The following PHIP variants were observed in gnomAD, a reference collection of about 807,000 sequenced individuals.
PHIP encodes the protein PH-interacting protein.
Under a neutral mutation model 236.8 loss-of-function variants are expected in PHIP, and 54 were observed. The observed-to-expected ratio is 0.23, with a 90% CI of 0.18 to 0.29. PHIP has a LOEUF of 0.29. Among genes scored for constraint, PHIP ranks in the 10% least tolerant of loss-of-function variants. The pLI is 1.00. For missense variants in PHIP, 1,370 were observed against 2,190.8 expected (o/e 0.63, Z 7.48); for synonymous variants, 756 against 718.9 (o/e 1.05, Z -0.83).
chr6:78,983,691 A>G (rs1768687015), intron 22 of PHIP, among the ~76,000 whole-genome samples: 1 of 152,178 alleles, frequency 6.6e-6, no homozygotes, highest in African/African-American at 2.4e-5. Context: ...CTCTGCATGT[A>G]AAGTAACAAA....
rs1352570259 is a variant in PHIP at position 79,077,432 on chromosome 6, G to A, written c.189+16C>T. ...TCAGGGAAAAGTTTCTTTGCTCTGCGACGTGAATGTCTCACCAGATTCTGG... is the reference window on the plus strand; with the variant it reads ...TCAGGGAAAAGTTTCTTTGCTCTGCAACGTGAATGTCTCACCAGATTCTGG... On this transcript the variant is annotated intron_variant, in intron 4 of 39. Coordinates refer to ENST00000275034, the MANE Select transcript of PHIP (RefSeq NM_017934.7). The A allele has an allele frequency of 1.9e-6, 3 of 1,590,836 alleles. No individual in the cohort carries two copies. The highest frequency in any genetic ancestry group is 1.7e-5 in the Admixed American group (1 of 59,468).
At position 79,025,295 on chromosome 6, in the gene PHIP, T is replaced by C. The variant is rs558783815; in HGVS notation, c.923+224A>G. Reference sequence around the variant, plus strand: ...AAATGCTGAAGGAAAGAGCTAGGATTAGGATAAAGAGAAAAAAAATGTGAA... The same window carrying C: ...AAATGCTGAAGGAAAGAGCTAGGATCAGGATAAAGAGAAAAAAAATGTGAA... On this transcript the variant is annotated intron_variant, in intron 9 of 39. Coordinates refer to ENST00000275034, the MANE Select transcript of PHIP (RefSeq NM_017934.7). 3.9e-5 allele frequency among the ~76,000 whole-genome samples: 3 copies of C among 76,082 alleles called. No individual in the cohort carries two copies. In the Admixed American group the frequency reaches 4.5e-4, roughly 11 times the overall value. The allele number at this position is 76,082 out of a possible 152,430, so 49.9% of individuals were successfully genotyped here. A position where few individuals can be genotyped will look rare whatever the true frequency, so the allele number is the denominator to read the frequency against.
intron 4 of PHIP, among the ~76,000 whole-genome samples, chr6:79,076,357 A>G (rs1235696188): frequency 6.6e-6 from 1 of 152,222 alleles, no homozygotes; most frequent in Non-Finnish European, 1.5e-5. Context: ...ACAGTTACAA[A>G]AGCCTCATAA....
At chr6:78,955,547 C>T in intron 33 of PHIP, 66 bp downstream of exon 33, 1 of 604,744 alleles carries the variant, frequency 1.7e-6, no homozygotes, top group Non-Finnish European at 2.9e-6. Context: ...TACCTGAAAA[C>T]TACAATATGT....
At chr6:79,046,039 A>G (rs1374366422) in intron 6 of PHIP, among the ~76,000 whole-genome samples, 1 of 152,134 alleles carries the variant, frequency 6.6e-6, no homozygotes, top group Non-Finnish European at 1.5e-5. Context: ...AATGCTCTTC[A>G]TTTCATTCAG....
chr6:78,943,256 G>A (rs1017160078), intron 39 of PHIP, among the ~76,000 whole-genome samples: 2 of 152,010 alleles, frequency 1.3e-5, no homozygotes, highest in African/African-American at 4.8e-5. Context: ...GTCATTATTT[G>A]TAATAAAACA....
chr6:79,005,572 T>G (rs1164738866), intron 15 of PHIP, among the ~76,000 whole-genome samples: 2 of 151,596 alleles, frequency 1.3e-5, no homozygotes, highest in Non-Finnish European at 2.9e-5. Context: ...GTTAAATGAT[T>G]TTTTTTTAAC....
At chr6:78,955,822 A>C (rs1766384612) in intron 32 of PHIP, 140 bp from the exon 33 acceptor site, 2 of 460,364 alleles carry the variant, frequency 4.3e-6, no homozygotes, top group Non-Finnish European at 3.9e-6. Flanking sequence ...TACTCCAATA[A>C]TTTATGCACA....
chr6:79,010,410 A>T (rs1770519287), intron 15 of PHIP, among the ~76,000 whole-genome samples: 1 of 151,864 alleles, frequency 6.6e-6, no homozygotes, highest in Admixed American at 6.6e-5. Context: ...TTTTAAAAAA[A>T]TCTCTTAAGT....
intron 24 of PHIP, among the ~76,000 whole-genome samples, chr6:78,972,921 A>C (rs1449477540): frequency 6.6e-6 from 1 of 152,206 alleles, no homozygotes; most frequent in African/African-American, 2.4e-5. Flanking sequence ...CCTGAAAGTG[A>C]TGGGGAGAAT....
At chr6:78,985,580 C>T (rs759726748) in intron 21 of PHIP, 152 bp from the exon 22 acceptor site, 2 of 646,308 alleles carry the variant, frequency 3.1e-6, no homozygotes, top group Non-Finnish European at 5.6e-6. Context: ...GTGGCTCACG[C>T]CTGTAATCCC....
intron 6 of PHIP, among the ~76,000 whole-genome samples, chr6:79,047,212 G>T (rs1772542056): frequency 6.6e-6 from 1 of 152,142 alleles, no homozygotes; most frequent in African/African-American, 2.4e-5. Context: ...AATTAGTAGA[G>T]ATCAACAAAA....
intron 24 of PHIP, among the ~76,000 whole-genome samples, chr6:78,974,328 C>T (rs1194466520): frequency 2.5e-4 from 38 of 151,524 alleles, no homozygotes; most frequent in Non-Finnish European, 4.9e-4. Context: ...TTGAAACCAA[C>T]GAGAACAAAG....
chr6:79,012,598 T>C (rs994636876), intron 15 of PHIP, among the ~76,000 whole-genome samples: 1 of 151,748 alleles, frequency 6.6e-6, no homozygotes, highest in Non-Finnish European at 1.5e-5. Flanking sequence ...AGGGATTAAA[T>C]TTGTATGCAA....
intron 7 of PHIP, among the ~76,000 whole-genome samples, chr6:79,038,189 T>C (rs1772036963): frequency 6.6e-6 from 1 of 152,226 alleles, no homozygotes; most frequent in South Asian, 2.1e-4. Context: ...CCTTAGACAC[T>C]TGTTAATTTG....
At chr6:79,040,581 A>G (rs1772158044) in intron 7 of PHIP, among the ~76,000 whole-genome samples, 1 of 152,194 alleles carries the variant, frequency 6.6e-6, no homozygotes, top group East Asian at 1.9e-4. Flanking sequence ...GATTCTATCT[A>G]TTTTCAAGAC....
At chr6:79,049,916 G>C (rs1406124774) in intron 6 of PHIP, among the ~76,000 whole-genome samples, 3 of 151,986 alleles carry the variant, frequency 2.0e-5, no homozygotes, top group Admixed American at 1.3e-4. Flanking sequence ...AAAATTACTT[G>C]AAATGTTGCT....
intron 4 of PHIP, among the ~76,000 whole-genome samples, chr6:79,073,729 T>C (rs1340006508): frequency 1.3e-5 from 2 of 152,282 alleles, no homozygotes; most frequent in Non-Finnish European, 2.9e-5. Flanking sequence ...TGAAAACTAG[T>C]ACTTAAACTA....
rs1406018051 is a variant in PHIP at position 78,985,574 on chromosome 6, C to T, written c.2461-146G>A. The T allele has an allele frequency of 6.1e-6, 4 of 659,284 alleles. No individual in the cohort carries two copies. The African/African-American group carries it at 7.3e-5, about 12-fold the overall frequency. The allele number at this position is 659,284 out of a possible 1,614,324, so 40.8% of individuals were successfully genotyped here. On this transcript the variant is annotated intron_variant, in intron 21 of 39. Coordinates refer to ENST00000275034, the MANE Select transcript of PHIP (RefSeq NM_017934.7). Reference sequence around the variant, plus strand: ...AAATTAGTTGCAAAGGGTGTTGTGGCTCACGCCTGTAATCCCAACACTTTG... The same window carrying T: ...AAATTAGTTGCAAAGGGTGTTGTGGTTCACGCCTGTAATCCCAACACTTTG...
Sources: gnomAD v4.1 joint callset for allele counts (sites outside exome capture counted in the v4.1 genomes callset) on GRCh38, gnomAD v4.1.1 for gene constraint, MANE v1.5 for transcripts, NCBI Gene and HGNC (gene_info 2026-07-23, HGNC 2026-07-21) for gene names.